ITK: variants seen among roughly 807,000 people sequenced by gnomAD.
The protein encoded by ITK is tyrosine-protein kinase ITK/TSK.
In ITK, 45 loss-of-function variants were observed where a neutral mutation model predicts 87.6. The observed-to-expected ratio is 0.51, with a 90% CI of 0.40 to 0.66. The LOEUF (loss-of-function observed/expected upper bound fraction) is 0.66, where lower values mean the gene tolerates loss of function less well. Ranked by LOEUF, ITK falls within the 30% of genes least tolerant of loss-of-function variation. The pLI, the probability that ITK is intolerant of heterozygous loss-of-function variation, is 0.00. For missense variants in ITK, 605 were observed against 766.3 expected (o/e 0.79, Z 2.48); for synonymous variants, 303 against 273.6 (o/e 1.11, Z -1.06).
intron 4 of ITK, among the ~76,000 whole-genome samples, chr5:157,217,255 A>G (rs1008935672): frequency 1.3e-5 from 2 of 152,204 alleles, no homozygotes; most frequent in African/African-American, 4.8e-5. Flanking sequence ...GAGGAGAGCT[A>G]AACAGACGGA....
chr5:157,194,708 A>G (rs1467797700), intron 1 of ITK, among the ~76,000 whole-genome samples: 1 of 152,248 alleles, frequency 6.6e-6, no homozygotes, highest in Non-Finnish European at 1.5e-5. Context: ...ATAGTTATGT[A>G]TCTACTATAA....
In ITK at chr5:157,248,924, G is replaced by A. The variant is rs1430047012; in HGVS notation, c.1708G>A (p.Asp570Asn). 1.9e-6 allele frequency: 3 copies of A among 1,613,966 alleles called. No homozygotes were observed. Among genetic ancestry groups the A allele is most frequent in the Non-Finnish European group, 1.7e-6 (2 of 1,179,860 alleles). The change falls in exon 16 of 17, where the codon GAC becomes AAC. Residue 570 changes from aspartate (D) to asparagine (N), a missense_variant. Asp to Asn is a conservative substitution (Grantham distance 23, BLOSUM62 1). This residue lies in a region of ITK where 71 missense variants were observed against 65.8 expected (regional missense o/e 1.08). Coordinates refer to ENST00000422843, the MANE Select transcript of ITK (RefSeq NM_005546.4). Reference protein sequence around the residue: ...ENRSNSEVVEDISTGFRLYKP... With the variant: ...ENRSNSEVVENISTGFRLYKP... ...CCGAAGCAACTCAGAGGTGGTGGAA[G>A]ACATCAGTACCGGATTTCGGTTGTA...
At chr5:157,240,499 C>A in intron 10 of ITK, 1 of 449,954 alleles carries the variant, frequency 2.2e-6, no homozygotes, top group Non-Finnish European at 4.1e-6. Flanking sequence ...GGGACTGCTG[C>A]TCTAGAGGAC....
intron 1 of ITK, among the ~76,000 whole-genome samples, chr5:157,200,991 T>C (rs1174977365): frequency 1.3e-5 from 2 of 152,162 alleles, no homozygotes; most frequent in Non-Finnish European, 2.9e-5. Context: ...TGGATAACAA[T>C]TTTTTTAATA....
At chr5:157,210,701 C>T (rs1176336698) in intron 2 of ITK, among the ~76,000 whole-genome samples, 2 of 112,414 alleles carry the variant, frequency 1.8e-5, no homozygotes, top group Admixed American at 1.9e-4. Flanking sequence ...CCCCTCCCCC[C>T]ACCCCACCAC....
chr5:157,247,192 G>A (rs1755036455), intron 15 of ITK, among the ~76,000 whole-genome samples: 1 of 152,186 alleles, frequency 6.6e-6, no homozygotes, highest in Admixed American at 6.5e-5. Flanking sequence ...AAAATCTTCT[G>A]CAGCATTTTA....
chr5:157,229,141 A>G (rs188032314), intron 7 of ITK, among the ~76,000 whole-genome samples: 147 of 152,346 alleles, frequency 9.6e-4, no homozygotes, highest in African/African-American at 3.4e-3. Context: ...GTTTTTTCTT[A>G]TAGTAGAATG....
intron 8 of ITK, among the ~76,000 whole-genome samples, chr5:157,234,243 G>T (rs2562379): frequency 6.6e-6 from 1 of 151,636 alleles, no homozygotes; most frequent in African/African-American, 2.4e-5. Context: ...TGGCCTCCCA[G>T]AGTGCTGGGA....
chr5:157,252,420 A>G (rs529470785), intron 16 of ITK, among the ~76,000 whole-genome samples, 187 bp from the exon 17 acceptor site: 2 of 152,370 alleles, frequency 1.3e-5, no homozygotes, highest in African/African-American at 4.8e-5. Context: ...ACTGAGATTA[A>G]ACACTAGTCC....
At chr5:157,239,405 A>T (rs1754841953) in intron 9 of ITK, among the ~76,000 whole-genome samples, 1 of 152,190 alleles carries the variant, frequency 6.6e-6, no homozygotes, top group African/African-American at 2.4e-5. Flanking sequence ...AGCTCATTAG[A>T]GACTCAGTAC....
intron 15 of ITK, among the ~76,000 whole-genome samples, chr5:157,246,252 T>A (rs1755018737): frequency 6.6e-6 from 1 of 152,228 alleles, no homozygotes; most frequent in South Asian, 2.1e-4. Flanking sequence ...CCAGCTGCTG[T>A]GAAGTCAAAA....
chr5:157,218,349 T>A (rs899590826), intron 5 of ITK, among the ~76,000 whole-genome samples: 14 of 151,404 alleles, frequency 9.2e-5, no homozygotes, highest in African/African-American at 2.4e-4. Context: ...CTAGAAAAAA[T>A]TTTTAAAAAT....
chr5:157,197,019 T>G (rs1273114891), intron 1 of ITK, among the ~76,000 whole-genome samples: 1 of 152,176 alleles, frequency 6.6e-6, no homozygotes, highest in Non-Finnish European at 1.5e-5. Flanking sequence ...CTCTGCTCCC[T>G]TTTGTAAGAA....
At position 157,243,886 on chromosome 5, in the gene ITK, C is replaced by T. The variant is rs145477916; in HGVS notation, c.1232+92C>T. The T allele has an allele frequency of 3.0e-3, 3,690 of 1,215,622 alleles. 9 individuals are homozygous for T. The highest frequency in any genetic ancestry group is 0.012 in the Middle Eastern group (56 of 4,862). 75.3% of individuals were successfully genotyped at this position (1,215,622 alleles called of 1,614,324 possible). The stretch of plus-strand genomic sequence containing the variant: ...CCATTCAAACGCCAGGGGGTACTAT[C>T]TCCCTGCGCAAACTCCCAGCAGTGG... On this transcript the variant is annotated intron_variant, in intron 12 of 16. Coordinates refer to ENST00000422843, the MANE Select transcript of ITK (RefSeq NM_005546.4).
intron 7 of ITK, among the ~76,000 whole-genome samples, chr5:157,229,758 T>C (rs1487056898): frequency 6.6e-6 from 1 of 151,960 alleles, no homozygotes; most frequent in East Asian, 1.9e-4. Flanking sequence ...CTACTAAAAA[T>C]ACAGAATTAT....
chr5:157,186,409 C>A (rs962108925), intron 1 of ITK, among the ~76,000 whole-genome samples: 1 of 151,164 alleles, frequency 6.6e-6, no homozygotes, highest in African/African-American at 2.4e-5. Context: ...GCACGATGGC[C>A]CATGCCTGTA....
chr5:157,181,951 T>C (rs1753539328), intron 1 of ITK, among the ~76,000 whole-genome samples: 1 of 152,236 alleles, frequency 6.6e-6, no homozygotes, highest in Non-Finnish European at 1.5e-5. Flanking sequence ...ACTCTACTTC[T>C]CAGTAGGTGA....
At chr5:157,221,099 A>G (rs575195801) in intron 5 of ITK, among the ~76,000 whole-genome samples, 3 of 152,320 alleles carry the variant, frequency 2.0e-5, no homozygotes, top group African/African-American at 7.2e-5. Context: ...GGAAAGAAAA[A>G]TAATATATAT....
chr5:157,223,139 G>C (rs141078012), intron 6 of ITK, 125 bp downstream of exon 6: 2 of 1,221,652 alleles, frequency 1.6e-6, no homozygotes, highest in African/African-American at 1.5e-5. Flanking sequence ...AGAGAGCAGA[G>C]GCAGAAGGAA....
Sources: allele counts gnomAD v4.1 joint callset (sites outside exome capture counted in the v4.1 genomes callset), GRCh38; gene constraint gnomAD v4.1.1; regional missense constraint gnomAD v4.1.1; transcripts MANE v1.5; gene names NCBI Gene and HGNC (gene_info 2026-07-23, HGNC 2026-07-21).